The following ZFYVE9 variants were observed in gnomAD, a reference collection of about 807,000 sequenced individuals.
ZFYVE9 encodes zinc finger FYVE domain-containing protein 9.
A neutral mutation model predicts 126.7 loss-of-function variants in ZFYVE9; 43 were observed. That is an observed-to-expected ratio of 0.34 (90% CI 0.27 to 0.44). The LOEUF (loss-of-function observed/expected upper bound fraction) is 0.44, where lower values mean the gene tolerates loss of function less well. Ranked by LOEUF, ZFYVE9 falls within the 20% of genes least tolerant of loss-of-function variation. The probability of loss-of-function intolerance (pLI) is 1.00; values close to 1 mark genes in which losing one functional copy is unlikely to be tolerated. For missense variants in ZFYVE9, 1,476 were observed against 1,697.0 expected, an observed-to-expected ratio of 0.87 and a Z score of 2.29; for synonymous variants, 521 against 597.4, an observed-to-expected ratio of 0.87 and a Z score of 1.87.
At chr1:52,178,509 T>G (rs955259907) in intron 1 of ZFYVE9, among the ~76,000 whole-genome samples, 4 of 151,790 alleles carry the variant, frequency 2.6e-5, no homozygotes, top group African/African-American at 4.8e-5. Flanking sequence ...TTCTGTATTT[T>G]TAGTAGAGAC....
intron 1 of ZFYVE9, among the ~76,000 whole-genome samples, chr1:52,166,923 T>A (rs1346193317): frequency 6.6e-6 from 1 of 152,176 alleles, no homozygotes; most frequent in Non-Finnish European, 1.5e-5. Context: ...AGGCTTACAT[T>A]TCATGCTTAT....
intron 1 of ZFYVE9, among the ~76,000 whole-genome samples, chr1:52,152,143 C>G (rs1644363688): frequency 6.6e-6 from 1 of 151,902 alleles, no homozygotes; most frequent in Admixed American, 6.6e-5. Flanking sequence ...GCATGCACCA[C>G]CATGTCTGGC....
intron 1 of ZFYVE9, chr1:52,179,737 G>C (rs1374882593): frequency 2.5e-6 from 1 of 399,496 alleles, no homozygotes; most frequent in Non-Finnish European, 4.6e-6. Flanking sequence ...GTTTTTATAG[G>C]AGCGGAGGAG....
chr1:52,257,348 A>G (rs186205238), intron 4 of ZFYVE9, among the ~76,000 whole-genome samples: 7 of 152,354 alleles, frequency 4.6e-5, no homozygotes, highest in African/African-American at 1.7e-4. Flanking sequence ...GAGAGTTTAA[A>G]TTATTCCCAT....
At chr1:52,293,739 A>G in intron 11 of ZFYVE9, 62 bp downstream of exon 11, 2 of 1,468,228 alleles carry the variant, frequency 1.4e-6, no homozygotes, top group African/African-American at 2.8e-5. Flanking sequence ...AAATATTCAG[A>G]GCCCTCTGTT....
intron 13 of ZFYVE9, among the ~76,000 whole-genome samples, chr1:52,323,861 GA>G (rs1646264494): frequency 7.1e-6 from 1 of 140,668 alleles, no homozygotes; most frequent in Non-Finnish European, 1.5e-5. Context: ...CAACCACCCT[GA>G]CTAACGTGGT....
chr1:52,270,918 A>G (rs1219322225), intron 7 of ZFYVE9, among the ~76,000 whole-genome samples: 1 of 152,074 alleles, frequency 6.6e-6, no homozygotes, highest in Non-Finnish European at 1.5e-5. Context: ...GGTTGGGTGC[A>G]GTGGCTCACA....
At position 52,303,810 on chromosome 1, in the gene ZFYVE9, C is replaced by G; in HGVS notation, c.3334-11C>G. Reference sequence around the variant, plus strand: ...AATTAATTTATTCTGCTTCAATCTGCTTTGGCCCAGGACTTCAGAAATTAC... The same window carrying G: ...AATTAATTTATTCTGCTTCAATCTGGTTTGGCCCAGGACTTCAGAAATTAC... On this transcript the variant is annotated splice_polypyrimidine_tract_variant and intron_variant, in intron 12 of 18. Transcript: ENST00000287727. 1 of 1,535,798 alleles carries G rather than the reference C, an allele frequency of 6.5e-7. No individual in the cohort carries two copies. Among genetic ancestry groups the G allele is most frequent in the South Asian group, 1.3e-5 (1 of 76,150 alleles).
chr1:52,327,461 G>T (rs1379532027), intron 13 of ZFYVE9, among the ~76,000 whole-genome samples: 1 of 151,888 alleles, frequency 6.6e-6, no homozygotes, highest in Non-Finnish European at 1.5e-5. Flanking sequence ...AATTAGTGGG[G>T]CGTGGTGGCG....
In ZFYVE9 at chr1:52,274,509, C is replaced by G. The variant is rs1645725775; in HGVS notation, c.2671C>G (p.Pro891Ala). 6.2e-7 allele frequency: 1 copy of G among 1,612,452 alleles called. No homozygotes were observed. The highest frequency in any genetic ancestry group is 1.7e-5 in the Admixed American group (1 of 59,980). ...TGGGAGTATAACTCAGGTTGGAAGTCCTGTTGGAAGTGCAATGAATCTTAT... is the reference window on the plus strand; with the variant it reads ...TGGGAGTATAACTCAGGTTGGAAGTGCTGTTGGAAGTGCAATGAATCTTAT... ...FSGSITQVGSPVGSAMNLIPE... is the reference protein window; with the variant it reads ...FSGSITQVGSAVGSAMNLIPE... The change falls in exon 8 of 19, where the codon CCT (proline) becomes GCT (alanine). Residue 891 changes from proline (P) to alanine (A), a missense_variant. Around this residue, in one of 2 missense-constraint regions of ZFYVE9, gnomAD observed 669 missense variants for 902.4 expected, o/e 0.74. Coordinates refer to ENST00000287727, the MANE Select transcript of ZFYVE9 (RefSeq NM_004799.4).
At chr1:52,305,779 C>T (rs1646078113) in intron 13 of ZFYVE9, among the ~76,000 whole-genome samples, 1 of 152,108 alleles carries the variant, frequency 6.6e-6, no homozygotes, top group Non-Finnish European at 1.5e-5. Context: ...CTTGGGAAGG[C>T]CCCCCTCCCT....
chr1:52,255,038 G>A (rs1340516057), intron 4 of ZFYVE9, among the ~76,000 whole-genome samples: 1 of 151,088 alleles, frequency 6.6e-6, no homozygotes, highest in African/African-American at 2.4e-5. Flanking sequence ...GCTGCAGTGA[G>A]CCATGATTGT....
intron 1 of ZFYVE9, among the ~76,000 whole-genome samples, chr1:52,206,082 A>G (rs1000174935): frequency 6.6e-6 from 1 of 152,194 alleles, no homozygotes; most frequent in Non-Finnish European, 1.5e-5. Context: ...GGTTAAGGCA[A>G]TCCACTGGAG....
chr1:52,311,705 A>G (rs984955432), intron 13 of ZFYVE9, among the ~76,000 whole-genome samples: 1 of 152,232 alleles, frequency 6.6e-6, no homozygotes, highest in Admixed American at 6.5e-5. Context: ...CTGGTATACT[A>G]TAATTGTACA....
At chr1:52,218,735 A>G (rs1230878574) in intron 2 of ZFYVE9, among the ~76,000 whole-genome samples, 2 of 152,180 alleles carry the variant, frequency 1.3e-5, no homozygotes, top group East Asian at 1.9e-4. Context: ...CTTAACTTCT[A>G]CTATAGCTAC....
At chr1:52,252,088 T>C (rs1323836124) in intron 4 of ZFYVE9, 6 of 166,044 alleles carry the variant, frequency 3.6e-5, no homozygotes, top group African/African-American at 1.4e-4. Context: ...TTCTAGTAAA[T>C]CTTTTGCTCC....
intron 4 of ZFYVE9, among the ~76,000 whole-genome samples, chr1:52,250,258 A>G (rs1416034382): frequency 1.3e-5 from 2 of 152,072 alleles, no homozygotes; most frequent in South Asian, 2.1e-4. Context: ...ATGTTTTTCC[A>G]TTTATTTGTA....
intron 7 of ZFYVE9, among the ~76,000 whole-genome samples, chr1:52,270,679 T>C (rs185451130): frequency 9.5e-4 from 145 of 152,296 alleles, no homozygotes; most frequent in African/African-American, 3.3e-3. Context: ...AGTTGTCATA[T>C]TTCTTTGGTT....
At chr1:52,221,920 G>A (rs1341371936) in intron 2 of ZFYVE9, among the ~76,000 whole-genome samples, 3 of 152,276 alleles carry the variant, frequency 2.0e-5, no homozygotes, top group African/African-American at 7.2e-5. Context: ...AGGCATAAGA[G>A]TTAATCCACA....
Sources: gnomAD v4.1 joint callset for allele counts (sites outside exome capture counted in the v4.1 genomes callset) on GRCh38, gnomAD v4.1.1 for gene constraint, gnomAD v4.1.1 regional missense constraint, MANE v1.5 for transcripts, NCBI Gene and HGNC (gene_info 2026-07-23, HGNC 2026-07-21) for gene names.